Variants in ARNT2 observed in about 807,000 individuals in gnomAD.
The protein encoded by ARNT2 is ARNT protein 2.
A neutral mutation model predicts 91.7 loss-of-function variants in ARNT2; 36 were observed. The ratio of observed to expected loss-of-function variants is 0.39; its 90% confidence interval spans 0.30 to 0.52. ARNT2 has a LOEUF of 0.52. Among genes scored for constraint, ARNT2 ranks in the 20% least tolerant of loss-of-function variants. The pLI, the probability that ARNT2 is intolerant of heterozygous loss-of-function variation, is 0.72. For synonymous variants in ARNT2, 365 were observed against 347.1 expected (o/e 1.05, Z -0.57); for missense variants, 775 against 939.3 (o/e 0.83, Z 2.29).
chr15:80,556,811 G>A (rs1898199261), intron 11 of ARNT2: 1 of 152,220 alleles, frequency 6.6e-6, no homozygotes, highest in African/African-American at 2.4e-5. Flanking sequence ...CGCCACACAG[G>A]TGATGAATGA....
intron 12 of ARNT2, among the ~76,000 whole-genome samples, chr15:80,564,538 T>A (rs3934857): frequency 0.061 from 9,087 of 149,372 alleles, 766 homozygotes; most frequent in African/African-American, 0.19. Context: ...TTTTTTTTTT[T>A]AATTTTAGAT....
chr15:80,486,597 G>T (rs144648760), intron 5 of ARNT2, among the ~76,000 whole-genome samples: 1 of 152,312 alleles, frequency 6.6e-6, no homozygotes, highest in East Asian at 1.9e-4. Context: ...CTGACTTGTC[G>T]TGTTGAGTCA....
chr15:80,574,335 A>G (rs1898632342), intron 13 of ARNT2, 115 bp downstream of exon 13: 1 of 1,004,184 alleles, frequency 1.0e-6, no homozygotes, highest in African/African-American at 1.6e-5. Flanking sequence ...CCATCCCCCC[A>G]CTACAATGGA....
Position 80,435,290 on chromosome 15 carries a change from T to C in ARNT2, c.32-15590T>C, listed in dbSNP as rs80355317. On this transcript the variant is annotated intron_variant, in intron 1 of 18. Transcript: ENST00000303329. The stretch of plus-strand genomic sequence containing the variant: ...CTCTTGGAGTGATGGAGGCTGGCAG[T>C]ACAGAGTACCCTTCCCTTTAAGTTT... Among the ~76,000 whole-genome samples, 1,242 of 152,306 alleles carry C rather than the reference T, an allele frequency of 8.2e-3. 54 individuals are homozygous for C. Among genetic ancestry groups the C allele is most frequent in the Admixed American group, 0.061 (934 of 15,296 alleles).
intron 1 of ARNT2, among the ~76,000 whole-genome samples, chr15:80,412,496 G>T (rs373010227): frequency 3.5e-5 from 2 of 57,688 alleles, no homozygotes; most frequent in Non-Finnish European, 7.2e-5. Context: ...TCTAAATATT[G>T]TGTGTGTGTG....
intron 3 of ARNT2, among the ~76,000 whole-genome samples, chr15:80,461,784 C>A (rs1179041791): frequency 1.3e-5 from 2 of 152,024 alleles, no homozygotes; most frequent in Non-Finnish European, 2.9e-5. Context: ...GCCAAGGAGG[C>A]AAAAAGGAGT....
At chr15:80,510,401 A>G (rs1056317023) in intron 6 of ARNT2, among the ~76,000 whole-genome samples, 2 of 152,212 alleles carry the variant, frequency 1.3e-5, no homozygotes, top group Non-Finnish European at 2.9e-5. Context: ...GTGAGCAGAC[A>G]CTTTTCAGAA....
chr15:80,529,091 A>G (rs1897693829), intron 8 of ARNT2, among the ~76,000 whole-genome samples: 1 of 152,174 alleles, frequency 6.6e-6, no homozygotes, highest in Admixed American at 6.5e-5. Flanking sequence ...ATAATTTCTT[A>G]CAAGACAGGT....
chr15:80,434,780 G>C (rs1896062429), intron 1 of ARNT2, among the ~76,000 whole-genome samples: 1 of 151,990 alleles, frequency 6.6e-6, no homozygotes, highest in Non-Finnish European at 1.5e-5. Flanking sequence ...AAGGAGAGGG[G>C]ATGTCCAGGA....
intron 1 of ARNT2, among the ~76,000 whole-genome samples, chr15:80,413,343 A>G (rs976566470): frequency 2.0e-5 from 3 of 151,984 alleles, no homozygotes; most frequent in Admixed American, 6.5e-5. Flanking sequence ...CTCACCGTCT[A>G]TTGTCCACAC....
chr15:80,468,347 C>T (rs12905523), intron 3 of ARNT2, among the ~76,000 whole-genome samples: 103,445 of 151,564 alleles, frequency 0.68, 36,011 homozygotes, highest in East Asian at 0.8. Flanking sequence ...GAGAGCATCA[C>T]GGCTCTTATC....
intron 8 of ARNT2, among the ~76,000 whole-genome samples, chr15:80,518,265 T>G (rs1007939893): frequency 1.3e-5 from 2 of 148,658 alleles, no homozygotes; most frequent in Non-Finnish European, 1.5e-5. Context: ...AAGAACTTTT[T>G]CTTTTTCTAT....
chr15:80,408,834 G>GA (rs1225190683), intron 1 of ARNT2, among the ~76,000 whole-genome samples: 1 of 152,066 alleles, frequency 6.6e-6, no homozygotes, highest in African/African-American at 2.4e-5. Flanking sequence ...AGTGATACCT[G>GA]AAAAAAGAGA....
At chr15:80,458,656 A>G (rs958722422) in intron 3 of ARNT2, among the ~76,000 whole-genome samples, 3 of 150,826 alleles carry the variant, frequency 2.0e-5, no homozygotes, top group Non-Finnish European at 4.4e-5. Context: ...GCCCAACCCC[A>G]TGACTGTGTC....
chr15:80,451,781 C>A (rs182686789), intron 2 of ARNT2, among the ~76,000 whole-genome samples: 3 of 152,188 alleles, frequency 2.0e-5, no homozygotes, highest in Admixed American at 6.5e-5. Flanking sequence ...TCCAACCAAC[C>A]AAAATCCTGC....
chr15:80,531,160 T>C (rs1897733320), intron 8 of ARNT2, among the ~76,000 whole-genome samples: 1 of 152,238 alleles, frequency 6.6e-6, no homozygotes, highest in Non-Finnish European at 1.5e-5. Context: ...TATGTTTCAA[T>C]TCACATGTGA....
At chr15:80,535,204 A>G (rs1218604578) in intron 8 of ARNT2, among the ~76,000 whole-genome samples, 1 of 128,722 alleles carries the variant, frequency 7.8e-6, no homozygotes, top group Non-Finnish European at 1.7e-5. Flanking sequence ...AATCTTTAAC[A>G]AAAACATAGT....
intron 5 of ARNT2, chr15:80,487,612 T>C (rs1015802641): frequency 7.2e-5 from 11 of 152,274 alleles, no homozygotes; most frequent in East Asian, 3.8e-4. Flanking sequence ...TGGACTTAGA[T>C]AGCTGGTACT....
At chr15:80,481,657 G>C (rs996735269) in intron 5 of ARNT2, among the ~76,000 whole-genome samples, 1 of 152,170 alleles carries the variant, frequency 6.6e-6, no homozygotes, top group Non-Finnish European at 1.5e-5. Flanking sequence ...AGGTTGCAGT[G>C]AGCCATGATT....
Sources: gnomAD v4.1 joint callset for allele counts (sites outside exome capture counted in the v4.1 genomes callset) on GRCh38, gnomAD v4.1.1 for gene constraint, MANE v1.5 for transcripts, NCBI Gene and HGNC (gene_info 2026-07-23, HGNC 2026-07-21) for gene names.